ZNF469: variants seen among roughly 807,000 people sequenced by gnomAD.
ZNF469 encodes the protein zinc finger protein 469.
A neutral mutation model predicts 1.0 loss-of-function variants in ZNF469; 1 was observed. That is an observed-to-expected ratio of 1.00 (90% CI 0.35 to 4.73). The LOEUF (loss-of-function observed/expected upper bound fraction) is 4.73, where lower values mean the gene tolerates loss of function less well. ZNF469 is among the 30% of genes most tolerant of loss of function. The pLI is 0.16. For synonymous variants in ZNF469, 2,703 were observed against 2,363.4 expected (o/e 1.14, Z -4.17); for missense variants, 6,100 against 5,356.3 (o/e 1.14, Z -4.33).
chr16:88,380,430 CACACAT>C (rs1357844812), upstream of ZNF469, among the ~76,000 whole-genome samples: 5 of 147,720 alleles, frequency 3.4e-5, no homozygotes, highest in South Asian at 2.2e-4. Flanking sequence ...CAGATGCATT[CACACAT>C]ACACAGTCAC....
At chr16:88,184,779 C>T in the ZNF469 span, among the ~76,000 whole-genome samples, 1 of 152,226 alleles carries the variant, frequency 6.6e-6, no homozygotes, top group Non-Finnish European at 1.5e-5. Flanking sequence ...GCGACACATT[C>T]CCTCAACCTC....
chr16:88,137,504 G>A, the ZNF469 span, among the ~76,000 whole-genome samples: 1 of 149,942 alleles, frequency 6.7e-6, no homozygotes, highest in Non-Finnish European at 1.5e-5. Context: ...ATGACCGTGT[G>A]TGCATACTCC....
chr16:88,309,952 G>T, the ZNF469 span, among the ~76,000 whole-genome samples: 2 of 152,224 alleles, frequency 1.3e-5, no homozygotes, highest in African/African-American at 4.8e-5. Context: ...CACTGCCCAG[G>T]GTAGCCTGGC....
At position 88,436,552 on chromosome 16, in the gene ZNF469, T is replaced by C; in HGVS notation, c.9082T>C (p.Cys3028Arg). Residue 3028 changes from cysteine to arginine, a missense_variant, in exon 3 of 3, where the codon TGT (cysteine) becomes CGT (arginine). Coordinates refer to ENST00000565624, the MANE Select transcript of ZNF469 (RefSeq NM_001367624.2). ...GCCCCCCAGCCTGGAGAGAGAACGC[T>C]GTGACGGTGGGCTTCCCGGGAACAC... ...PEPPSLERER[C>R]DGGLPGNTHL... 10 of 1,549,756 alleles carry C rather than the reference T, an allele frequency of 6.5e-6. No homozygotes were observed. The highest frequency in any genetic ancestry group is 8.7e-6 in the Non-Finnish European group (10 of 1,146,934).
At chr16:88,401,646 CA>C (rs1904867765) in intron 1 of ZNF469, among the ~76,000 whole-genome samples, 7 of 24,156 alleles carry the variant, frequency 2.9e-4, no homozygotes, top group East Asian at 8.0e-4. Context: ...TGGATGGATA[CA>C]TGGGTGGATG....
At chr16:88,115,970 C>G in the ZNF469 span, among the ~76,000 whole-genome samples, 3 of 152,198 alleles carry the variant, frequency 2.0e-5, no homozygotes, top group African/African-American at 2.4e-5. Flanking sequence ...ACCTGGTCAT[C>G]CAGGGTGGCC....
At position 88,439,950 on chromosome 16, in the gene ZNF469, T is replaced by G. The variant is rs3859020; in HGVS notation, c.*618T>G. 0.94 allele frequency: 146,143 copies of G among 156,232 alleles called. 68,405 individuals carry two copies. Among genetic ancestry groups the G allele is most frequent in the East Asian group, 1 (5,200 of 5,202 alleles). 9.7% of individuals were successfully genotyped at this position (156,232 alleles called of 1,614,324 possible). A position where few individuals can be genotyped will look rare whatever the true frequency, so the allele number is the denominator to read the frequency against. On this transcript the variant is annotated 3_prime_UTR_variant, in exon 3 of 3. Coordinates refer to ENST00000565624, the MANE Select transcript of ZNF469 (RefSeq NM_001367624.2). Reference sequence around the variant, plus strand: ...CAGGGTCATGCCAGCCTCCATTTGCTCTGCGGGAGAAAAGCCCATCTCTAG... The same window carrying G: ...CAGGGTCATGCCAGCCTCCATTTGCGCTGCGGGAGAAAAGCCCATCTCTAG...
chr16:88,434,735 C>T lies in ZNF469; in HGVS notation c.7265C>T (p.Ser2422Phe), dbSNP rs201540905. 9.7e-6 allele frequency: 15 copies of T among 1,550,262 alleles called. No individual in the cohort carries two copies. In the South Asian group the frequency reaches 1.8e-4, roughly 18 times the overall value. The change falls in exon 3 of 3, where the codon TCC becomes TTC. Residue 2422 changes from serine (S) to phenylalanine (F), a missense_variant. Coordinates refer to ENST00000565624, the MANE Select transcript of ZNF469 (RefSeq NM_001367624.2). ...ACAGCCAGTGACTTCCAGTCTGACT[C>T]CCCCCAAAGCCACAGAAATGCCTCC... is the stretch of plus-strand genomic sequence containing the variant. ...SSTASDFQSD[S>F]PQSHRNASHQ... is the part of the protein sequence containing the mutation.
Position 88,432,124 on chromosome 16 carries a change from G to T in ZNF469, c.4654G>T (p.Ala1552Ser), listed in dbSNP as rs914066808. The change falls in exon 3 of 3, where the codon GCT (alanine) becomes TCT (serine). Residue 1552 changes from alanine to serine, a missense_variant. Coordinates refer to ENST00000565624, the MANE Select transcript of ZNF469 (RefSeq NM_001367624.2). ...LPGKGSGCSV[A>S]LMSHLSEDEL... ...TGGGAAGGGGAGTGGATGTAGCGTT[G>T]CTCTTATGAGTCACCTGTCCGAGGA... 3 of 1,550,314 alleles carry T rather than the reference G, an allele frequency of 1.9e-6. No individual in the cohort carries two copies. The highest frequency in any genetic ancestry group is 1.4e-5 in the African/African-American group (1 of 73,050).
the ZNF469 span, among the ~76,000 whole-genome samples, chr16:88,153,347 T>G: frequency 6.6e-6 from 1 of 152,188 alleles, no homozygotes; most frequent in East Asian, 1.9e-4. Flanking sequence ...CCTTCACATG[T>G]AAAGCAATGG....
chr16:88,352,205 G>T, the ZNF469 span, among the ~76,000 whole-genome samples: 20 of 152,316 alleles, frequency 1.3e-4, no homozygotes, highest in African/African-American at 4.8e-4. Flanking sequence ...GAGGGGACGG[G>T]TGCACAATGC....
chr16:88,377,989 C>A (rs2092513579), upstream of ZNF469, among the ~76,000 whole-genome samples: 1 of 152,250 alleles, frequency 6.6e-6, no homozygotes, highest in South Asian at 2.1e-4. Context: ...GGGACGGACA[C>A]CTGCATCCTC....
chr16:88,245,960 A>G, the ZNF469 span, among the ~76,000 whole-genome samples: 1 of 152,284 alleles, frequency 6.6e-6, no homozygotes, highest in African/African-American at 2.4e-5. Flanking sequence ...AGCAGCTGGA[A>G]TGGTTGCTTT....
At chr16:88,333,707 T>TCATTCTTCCCACGGAAGGCATTTC in the ZNF469 span, among the ~76,000 whole-genome samples, 1 of 152,138 alleles carries the variant, frequency 6.6e-6, no homozygotes. Context: ...GAAGGCATTT[T>TCATTCTTCCCACGGAAGGCATTTC]CATTCTTCCC....
the ZNF469 span, among the ~76,000 whole-genome samples, chr16:88,308,117 G>A: frequency 6.6e-6 from 1 of 152,162 alleles, no homozygotes; most frequent in Non-Finnish European, 1.5e-5. Flanking sequence ...AACTGCCTTG[G>A]TGCCCTTGTT....
the ZNF469 span, among the ~76,000 whole-genome samples, chr16:88,370,974 A>G: frequency 2.0e-5 from 3 of 152,252 alleles, no homozygotes; most frequent in African/African-American, 7.2e-5. Context: ...CACGCGGCCC[A>G]GTCATTCCTG....
chr16:88,421,600 G>C (rs572322297), intron 1 of ZNF469, among the ~76,000 whole-genome samples: 5 of 152,356 alleles, frequency 3.3e-5, no homozygotes, highest in African/African-American at 1.2e-4. Flanking sequence ...GCTGTCCTGG[G>C]GCAGAGGAAA....
chr16:88,207,963 C>G, the ZNF469 span, among the ~76,000 whole-genome samples: 1 of 152,172 alleles, frequency 6.6e-6, no homozygotes, highest in African/African-American at 2.4e-5. Flanking sequence ...GCCTGCCAGA[C>G]TTAATAAGTA....
intron 1 of ZNF469, among the ~76,000 whole-genome samples, chr16:88,412,260 C>T (rs962845967): frequency 1.3e-5 from 2 of 152,252 alleles, no homozygotes; most frequent in Non-Finnish European, 2.9e-5. Flanking sequence ...CCATGCAGGC[C>T]TCTGCGCAGC....
Sources: gnomAD v4.1 joint callset for allele counts (sites outside exome capture counted in the v4.1 genomes callset) on GRCh38, gnomAD v4.1.1 for gene constraint, MANE v1.5 for transcripts, NCBI Gene and HGNC (gene_info 2026-07-23, HGNC 2026-07-21) for gene names.